Variants in VAT1L observed in about 807,000 individuals in gnomAD.
VAT1L encodes the protein vesicle amine transport 1 like.
Under a neutral mutation model 44.1 loss-of-function variants are expected in VAT1L, and 34 were observed. The observed-to-expected ratio is 0.77, with a 90% CI of 0.59 to 1.03. The LOEUF (loss-of-function observed/expected upper bound fraction) is 1.03. Ranked by LOEUF, VAT1L falls within the 50% of genes least tolerant of loss-of-function variation. VAT1L has a pLI of 0.00. For synonymous variants in VAT1L, 253 were observed against 202.2 expected (o/e 1.25, Z -2.13); for missense variants, 615 against 538.8 (o/e 1.14, Z -1.40).
At chr16:77,927,679 C>A (rs1011948289) in intron 7 of VAT1L, among the ~76,000 whole-genome samples, 3 of 151,994 alleles carry the variant, frequency 2.0e-5, no homozygotes, top group African/African-American at 7.2e-5. Context: ...AGTTCGAGAC[C>A]ATCCTGGCTA....
chr16:77,804,185 C>T (rs969944889), intron 1 of VAT1L, among the ~76,000 whole-genome samples: 1 of 152,150 alleles, frequency 6.6e-6, no homozygotes, highest in Non-Finnish European at 1.5e-5. Flanking sequence ...CAGTCACTGC[C>T]GAACACCTGT....
At chr16:77,812,554 C>T (rs754315548) in intron 1 of VAT1L, among the ~76,000 whole-genome samples, 7 of 152,148 alleles carry the variant, frequency 4.6e-5, no homozygotes, top group Admixed American at 6.5e-5. Flanking sequence ...TTATCTGAGG[C>T]TCAATGTTCA....
intron 7 of VAT1L, among the ~76,000 whole-genome samples, chr16:77,929,199 G>A (rs183977504): frequency 7.2e-5 from 11 of 152,250 alleles, no homozygotes; most frequent in East Asian, 1.9e-4. Flanking sequence ...GATGGAACGC[G>A]ACATTTTTCT....
chr16:77,974,838 G>A (rs2018318494), intron 8 of VAT1L, among the ~76,000 whole-genome samples: 1 of 152,014 alleles, frequency 6.6e-6, no homozygotes, highest in Non-Finnish European at 1.5e-5. Flanking sequence ...CAAAGAGCTG[G>A]GATTATAGAC....
At chr16:77,910,673 CAAAAAAAAA>C (rs3038773) in intron 7 of VAT1L, among the ~76,000 whole-genome samples, 2 of 82,968 alleles carry the variant, frequency 2.4e-5, no homozygotes, top group Admixed American at 2.8e-4. Context: ...GACTCCTTCT[CAAAAAAAAA>C]AAAAAAAAAA....
chr16:77,861,228 G>A (rs545581451), intron 3 of VAT1L, among the ~76,000 whole-genome samples: 7 of 152,302 alleles, frequency 4.6e-5, no homozygotes, highest in African/African-American at 1.2e-4. Flanking sequence ...CACAGATGAC[G>A]CTGGTAGAAT....
chr16:77,944,014 G>A (rs112751483), intron 7 of VAT1L, among the ~76,000 whole-genome samples: 2 of 152,048 alleles, frequency 1.3e-5, no homozygotes, highest in Non-Finnish European at 2.9e-5. Context: ...CATTTCTAAC[G>A]CTACATCAAA....
At chr16:77,872,873 C>T (rs962744799) in intron 4 of VAT1L, among the ~76,000 whole-genome samples, 1 of 152,178 alleles carries the variant, frequency 6.6e-6, no homozygotes, top group East Asian at 1.9e-4. Flanking sequence ...GTAGTAAACA[C>T]TCAGCAAATG....
intron 7 of VAT1L, among the ~76,000 whole-genome samples, chr16:77,922,083 G>C (rs1014321165): frequency 3.9e-5 from 6 of 152,122 alleles, no homozygotes; most frequent in Non-Finnish European, 7.4e-5. Flanking sequence ...TTTCAGGTTA[G>C]CACCTACTGA....
At chr16:77,943,380 C>CTT (rs773527946) in intron 7 of VAT1L, among the ~76,000 whole-genome samples, 18,906 of 125,800 alleles carry the variant, frequency 0.15, 1,875 homozygotes, top group East Asian at 0.28. Flanking sequence ...CTTTTTCTTT[C>CTT]TTTTTTTTTT....
chr16:77,854,836 A>C (rs2142436409), intron 3 of VAT1L, among the ~76,000 whole-genome samples: 1 of 152,300 alleles, frequency 6.6e-6, no homozygotes, highest in South Asian at 2.1e-4. Context: ...GATATACAAA[A>C]TTCTTTTTGT....
Position 77,884,717 on chromosome 16 carries a change from T to C in VAT1L, c.992T>C (p.Ile331Thr). The C allele has an allele frequency of 1.9e-6, 3 of 1,608,996 alleles. No individual in the cohort carries two copies. The highest frequency in any genetic ancestry group is 2.5e-6 in the Non-Finnish European group (3 of 1,177,686). The change falls in exon 7 of 9, where the codon ATT becomes ACT. Residue 331 changes from isoleucine to threonine, a missense_variant. By Grantham distance (89) the Ile-to-Thr change is moderately conservative. Coordinates refer to ENST00000302536, the MANE Select transcript of VAT1L (RefSeq NM_020927.3). This position sits in a 1 kb window ranked among gnomAD's most constrained non-coding sequence, Gnocchi z 4.5. ...LLFKQGRAGL[I>T]RGVVEKLIGL... ...TTCAAACAAGGCCGGGCGGGCCTCA[T>C]TCGGGGAGTGGTGGAAAAACTCATA...
At chr16:77,864,294 T>C (rs192292469) in intron 4 of VAT1L, among the ~76,000 whole-genome samples, 231 of 151,976 alleles carry the variant, frequency 1.5e-3, no homozygotes, top group Admixed American at 2.6e-3. Context: ...CCAGATAGAA[T>C]CATAATAAAG....
In VAT1L at chr16:77,978,275, T is replaced by C. The variant is rs912119991; in HGVS notation, c.*580T>C. ...ACGGTCAAAAGTTTGAGCCATTCTC[T>C]TCTACCCCTTCAGTGTCTGACCCTT... On this transcript the variant is annotated 3_prime_UTR_variant, in exon 9 of 9. Coordinates refer to ENST00000302536, the MANE Select transcript of VAT1L (RefSeq NM_020927.3). The C allele has an allele frequency of 1.3e-5, 2 of 153,438 alleles. No individual in the cohort carries two copies. The highest frequency in any genetic ancestry group is 2.9e-5 in the Non-Finnish European group (2 of 68,902). 9.5% of individuals were successfully genotyped at this position (153,438 alleles called of 1,614,324 possible).
intron 7 of VAT1L, among the ~76,000 whole-genome samples, chr16:77,911,352 G>A (rs2017498135): frequency 6.6e-6 from 1 of 152,084 alleles, no homozygotes; most frequent in Admixed American, 6.5e-5. Context: ...ATCAGCCCTG[G>A]GGAGACCAGA....
intron 3 of VAT1L, among the ~76,000 whole-genome samples, chr16:77,859,685 A>T (rs1050959356): frequency 4.6e-5 from 7 of 152,176 alleles, no homozygotes; most frequent in Admixed American, 6.5e-5. Context: ...GACTAAGAAG[A>T]GACAGTTATA....
At chr16:77,969,003 G>C (rs865937925) in intron 7 of VAT1L, among the ~76,000 whole-genome samples, 1 of 152,028 alleles carries the variant, frequency 6.6e-6, no homozygotes. Flanking sequence ...TTTTTTAGTA[G>C]AGATGGGGTT....
chr16:77,896,293 C>G (rs424821), intron 7 of VAT1L, among the ~76,000 whole-genome samples: 52,563 of 151,970 alleles, frequency 0.35, 9,351 homozygotes, highest in African/African-American at 0.41. Flanking sequence ...TCGACTCTTC[C>G]GTAAAACCAT....
intron 7 of VAT1L, among the ~76,000 whole-genome samples, chr16:77,961,569 C>T (rs1004392412): frequency 6.6e-6 from 1 of 152,146 alleles, no homozygotes; most frequent in African/African-American, 2.4e-5. Context: ...CAGGTAGCAC[C>T]ACGGTTCTTC....
Sources: gnomAD v4.1 joint callset for allele counts (sites outside exome capture counted in the v4.1 genomes callset) on GRCh38, gnomAD v4.1.1 for gene constraint, Gnocchi (gnomAD v3.1) non-coding constraint, MANE v1.5 for transcripts, NCBI Gene and HGNC (gene_info 2026-07-23, HGNC 2026-07-21) for gene names.